Variants in COL4A4 observed in about 807,000 individuals in gnomAD.
COL4A4 encodes collagen type IV alpha 4 chain.
Under a neutral mutation model 192.9 loss-of-function variants are expected in COL4A4, and 105 were observed. The ratio of observed to expected loss-of-function variants is 0.54; its 90% confidence interval spans 0.46 to 0.64. The LOEUF is 0.64. COL4A4 is among the 30% of genes least tolerant of loss of function. The pLI, the probability that COL4A4 is intolerant of heterozygous loss-of-function variation, is 0.00. For missense variants in COL4A4, 1,967 were observed against 2,169.3 expected (o/e 0.91, Z 1.85); for synonymous variants, 762 against 769.9 (o/e 0.99, Z 0.17).
rs2061893008 is a variant in COL4A4, at chr2:227,123,111, T to C, written c.193-1963A>G. On this transcript the variant is annotated intron_variant, in intron 4 of 47. Transcript: ENST00000396625. This position sits in a 1 kb window ranked among gnomAD's most constrained non-coding sequence, Gnocchi z 4.6. ...AACTCCTGACCTCAGGTGATCCGCT[T>C]GCCTTCAGCTTCCCAAAGTGCTGGA... Among the ~76,000 whole-genome samples the C allele has an allele frequency of 6.6e-6, 1 of 152,146 alleles. No individual in the cohort carries two copies. The highest frequency in any genetic ancestry group is 2.4e-5 in the African/African-American group (1 of 41,436).
At chr2:227,047,591 T>A in intron 34 of COL4A4, 42 bp from the exon 35 acceptor site, 1 of 1,391,546 alleles carries the variant, frequency 7.2e-7, no homozygotes, top group Non-Finnish European at 1.0e-6. Flanking sequence ...TTAGACAATT[T>A]AATTTGGTCT....
At chr2:227,011,994 G>C (rs1287972786) in intron 45 of COL4A4, among the ~76,000 whole-genome samples, 187 bp downstream of exon 45, 1 of 152,212 alleles carries the variant, frequency 6.6e-6, no homozygotes, top group Non-Finnish European at 1.5e-5. Context: ...TTTAACATCA[G>C]TTAGAACATA....
intron 1 of COL4A4, among the ~76,000 whole-genome samples, chr2:227,148,905 G>A (rs544861752): frequency 1.5e-4 from 23 of 151,200 alleles, no homozygotes; most frequent in Non-Finnish European, 2.7e-4. Context: ...GCAATGGCGC[G>A]ATCTTGGCTC....
At chr2:227,067,459 A>G (rs1283432533) in intron 25 of COL4A4, among the ~76,000 whole-genome samples, 2 of 152,198 alleles carry the variant, frequency 1.3e-5, no homozygotes, top group African/African-American at 2.4e-5. Context: ...TTGACCACAT[A>G]CTTGGAAGTA....
chr2:227,005,439 G>A lies in COL4A4; in HGVS notation c.*1886C>T, dbSNP rs1240088611. 1 of 152,160 alleles carries A rather than the reference G, an allele frequency of 6.6e-6. No homozygotes were observed. 9.4% of individuals were successfully genotyped at this position (152,160 alleles called of 1,614,324 possible). On this transcript the variant is annotated 3_prime_UTR_variant, in exon 48 of 48. Coordinates refer to ENST00000396625, the MANE Select transcript of COL4A4 (RefSeq NM_000092.5). Reference sequence around the variant, plus strand: ...GAAGGAGAAAGGTAATCACAAATAAGATTGAAATTGGCTTAAGTTTTAGGT... The same window carrying A: ...GAAGGAGAAAGGTAATCACAAATAAAATTGAAATTGGCTTAAGTTTTAGGT...
intron 22 of COL4A4, among the ~76,000 whole-genome samples, chr2:227,087,241 C>G (rs1234861257): frequency 1.3e-5 from 2 of 152,226 alleles, no homozygotes; most frequent in Non-Finnish European, 2.9e-5. Context: ...CATCCACTCT[C>G]TGGCATGATA....
intron 5 of COL4A4, among the ~76,000 whole-genome samples, chr2:227,120,469 G>T (rs1261663090): frequency 6.6e-6 from 1 of 152,120 alleles, no homozygotes; most frequent in African/African-American, 2.4e-5. Flanking sequence ...TGTCATGTAG[G>T]TTTTTTAAAA....
At chr2:227,043,225 A>G (rs1971811231) in intron 35 of COL4A4, 41 bp from the exon 36 acceptor site, 2 of 1,512,222 alleles carry the variant, frequency 1.3e-6, no homozygotes, top group Non-Finnish European at 1.8e-6. Context: ...GCCGTTTGAG[A>G]CAGTGAATCT....
downstream of COL4A4, chr2:226,999,265 C>T (rs1385403967): frequency 6.6e-6 from 1 of 152,042 alleles, no homozygotes; most frequent in Non-Finnish European, 1.5e-5. Context: ...GTGCCTGGTG[C>T]TTATTGATAT....
chr2:227,035,547 G>A (rs1294932930), intron 37 of COL4A4, among the ~76,000 whole-genome samples: 1 of 149,246 alleles, frequency 6.7e-6, no homozygotes, highest in Non-Finnish European at 1.5e-5. Flanking sequence ...AAAAAAAAAT[G>A]GGAATGCATC....
rs1056223393 is a variant in COL4A4 at position 227,004,273 on chromosome 2, C to T, written c.*3052G>A. ...AGCAGAAGGGAGCCTAAGTTTCCCC[C>T]AGGGAATTCACCTCCCACGCAGGGT... is the stretch of plus-strand genomic sequence containing the variant. On this transcript the variant is annotated 3_prime_UTR_variant, in exon 48 of 48. Coordinates refer to ENST00000396625, the MANE Select transcript of COL4A4 (RefSeq NM_000092.5). 1 of 152,312 alleles carries T rather than the reference C, an allele frequency of 6.6e-6. No individual in the cohort carries two copies. Among genetic ancestry groups the T allele is most frequent in the African/African-American group, 2.4e-5 (1 of 41,456 alleles). 9.4% of individuals were successfully genotyped at this position (152,312 alleles called of 1,614,324 possible). A position where few individuals can be genotyped will look rare whatever the true frequency, so the allele number is the denominator to read the frequency against.
the COL4A4 span, among the ~76,000 whole-genome samples, chr2:226,971,173 A>G: frequency 6.6e-6 from 1 of 152,314 alleles, no homozygotes; most frequent in Admixed American, 6.5e-5. Flanking sequence ...CTGTCCCTAC[A>G]GTGGCTGAAG....
intron 20 of COL4A4, among the ~76,000 whole-genome samples, chr2:227,093,808 G>A (rs2060065540): frequency 6.6e-6 from 1 of 151,954 alleles, no homozygotes; most frequent in Non-Finnish European, 1.5e-5. Context: ...CTGGGCAGTG[G>A]GCAAAATAAA....
At chr2:227,152,479 C>A (rs2064018124) in intron 1 of COL4A4, among the ~76,000 whole-genome samples, 2 of 152,162 alleles carry the variant, frequency 1.3e-5, no homozygotes, top group African/African-American at 2.4e-5. Context: ...AAAAACTGCC[C>A]TTTTCACTGT....
chr2:226,996,525 T>G, the COL4A4 span: 4 of 152,218 alleles, frequency 2.6e-5, no homozygotes, highest in Admixed American at 6.5e-5. Flanking sequence ...AAGGACAAAG[T>G]CAGAAGATCA....
chr2:227,097,137 G>A (rs893030742), intron 19 of COL4A4, among the ~76,000 whole-genome samples: 4 of 147,898 alleles, frequency 2.7e-5, no homozygotes, highest in Admixed American at 2.1e-4. Flanking sequence ...GAACCTGGGT[G>A]CTGCCTGCTG....
chr2:227,054,647 C>G lies in COL4A4; in HGVS notation c.2807G>C (p.Gly936Ala). Residue 936 changes from glycine (G) to alanine (A), a missense_variant, in exon 31 of 48, where the codon GGA becomes GCA. Transcript: ENST00000396625. The stretch of plus-strand genomic sequence containing the variant: ...AGGAAGGCCAGACATGCCCTTCTCT[C>G]CAGGTTCTCCCTTTGCGCCAGGACA... ...EGCPGAKGEP[G>A]EKGMSGLPGD... 6.2e-7 allele frequency: 1 copy of G among 1,614,258 alleles called. No individual in the cohort carries two copies. The highest frequency in any genetic ancestry group is 8.5e-7 in the Non-Finnish European group (1 of 1,180,040).
chr2:227,004,699 C>T lies in COL4A4; in HGVS notation c.*2626G>A, dbSNP rs1413643461. The T allele has an allele frequency of 2.0e-5, 3 of 152,004 alleles. No individual in the cohort carries two copies. Among genetic ancestry groups the T allele is most frequent in the South Asian group, 4.2e-4 (2 of 4,796 alleles). 9.4% of individuals were successfully genotyped at this position (152,004 alleles called of 1,614,324 possible). ...CAATGTGGGGAGTGTGAGAGCAGAA[C>T]GAAAGGGCCACTCATAGCATGGAAA... On this transcript the variant is annotated 3_prime_UTR_variant, in exon 48 of 48. Coordinates refer to ENST00000396625, the MANE Select transcript of COL4A4 (RefSeq NM_000092.5).
chr2:227,130,732 G>A (rs1288477956), intron 4 of COL4A4, among the ~76,000 whole-genome samples: 1 of 152,132 alleles, frequency 6.6e-6, no homozygotes, highest in Non-Finnish European at 1.5e-5. Flanking sequence ...CTGACCACAA[G>A]CGCTGCAAGT....
Sources: allele counts gnomAD v4.1 joint callset (sites outside exome capture counted in the v4.1 genomes callset), GRCh38; gene constraint gnomAD v4.1.1; non-coding constraint Gnocchi (gnomAD v3.1); transcripts MANE v1.5; gene names NCBI Gene and HGNC (gene_info 2026-07-23, HGNC 2026-07-21).